SUSD5: variants seen among roughly 807,000 people sequenced by gnomAD.
SUSD5 encodes sushi domain-containing protein 5.
A neutral mutation model predicts 29.5 loss-of-function variants in SUSD5; 33 were observed. The ratio of observed to expected loss-of-function variants is 1.12; its 90% CI spans 0.85 to 1.49. The LOEUF (loss-of-function observed/expected upper bound fraction) is 1.49. Among genes scored for constraint, SUSD5 ranks in the 40% most tolerant of loss-of-function variants. The pLI, the probability that SUSD5 is intolerant of heterozygous loss-of-function variation, is 0.00. For missense variants in SUSD5, 776 were observed against 800.6 expected (o/e 0.97, Z 0.37); for synonymous variants, 308 against 325.3 (o/e 0.95, Z 0.57).
At chr3:33,162,323 C>T (rs2031207452) in intron 4 of SUSD5, among the ~76,000 whole-genome samples, 1 of 152,144 alleles carries the variant, frequency 6.6e-6, no homozygotes, top group Admixed American at 6.5e-5. Flanking sequence ...GAAGTTATAC[C>T]TTTAAATATC....
In SUSD5 at chr3:33,153,257, C is replaced by T; in HGVS notation, c.1375G>A (p.Gly459Ser). The T allele has an allele frequency of 1.2e-6, 2 of 1,613,900 alleles. No individual in the cohort carries two copies. Among genetic ancestry groups the T allele is most frequent in the South Asian group, 1.1e-5 (1 of 91,074 alleles). ...TTCGTCAAGTCACCATCCCCAATGC[C>T]CTCAGTCTCGGAAGCATTCACGGGT... ...LRPVNASETE[G>S]IGDGDLTKYQ... The change falls in exon 5 of 5, where the codon GGC (glycine) becomes AGC (serine). Residue 459 changes from glycine to serine, a missense_variant. Coordinates refer to ENST00000309558, the MANE Select transcript of SUSD5 (RefSeq NM_015551.2).
chr3:33,189,047 A>G (rs1399991276), intron 3 of SUSD5, among the ~76,000 whole-genome samples: 3 of 152,242 alleles, frequency 2.0e-5, no homozygotes, highest in Non-Finnish European at 4.4e-5. Context: ...GAAGCAATAT[A>G]GTATTTGCAA....
chr3:33,188,309 CA>C (rs2031820665), intron 3 of SUSD5, among the ~76,000 whole-genome samples: 1 of 152,148 alleles, frequency 6.6e-6, no homozygotes, highest in African/African-American at 2.4e-5. Flanking sequence ...AATTCTGAAA[CA>C]AATGCCTGAT....
At chr3:33,168,973 G>A (rs928053160) in intron 4 of SUSD5, among the ~76,000 whole-genome samples, 33 of 151,938 alleles carry the variant, frequency 2.2e-4, no homozygotes, top group Admixed American at 1.7e-3. Context: ...TTTAAACCCC[G>A]GCTCTGCTTC....
chr3:33,158,831 C>T (rs1222885862), intron 4 of SUSD5, among the ~76,000 whole-genome samples: 3 of 152,136 alleles, frequency 2.0e-5, no homozygotes, highest in Non-Finnish European at 2.9e-5. Flanking sequence ...TCCACCCACT[C>T]GAAAGCATAG....
chr3:33,207,887 G>A lies in SUSD5; in HGVS notation c.330C>T (p.Ile110=), dbSNP rs375056161. The change falls in exon 3 of 5, where the codon ATC becomes ATT. Residue 110 remains isoleucine, a synonymous_variant. Transcript: ENST00000309558. ...CAATTCTCACATCGACAGCTCTCAT[G>A]ATTTGCTGTTCTCCACTTCCTTTGC... ...VCSKGSGEQQ[I]MRAVDVRIES... is the part of the protein sequence containing the mutation. 8.0e-5 allele frequency: 129 copies of A among 1,613,910 alleles called. No homozygotes were observed. The African/African-American group carries it at 1.5e-3, about 19-fold the overall frequency.
At chr3:33,164,574 A>AC (rs2031265502) in intron 4 of SUSD5, among the ~76,000 whole-genome samples, 7 of 152,198 alleles carry the variant, frequency 4.6e-5, no homozygotes, top group Admixed American at 4.6e-4. Flanking sequence ...GGATACTATG[A>AC]AGAACATGAA....
intron 3 of SUSD5, among the ~76,000 whole-genome samples, chr3:33,188,799 G>A (rs1052525592): frequency 6.6e-6 from 1 of 152,158 alleles, no homozygotes; most frequent in African/African-American, 2.4e-5. Context: ...TATCATGACT[G>A]GGTGTTGATT....
intron 1 of SUSD5, among the ~76,000 whole-genome samples, chr3:33,218,183 T>A (rs4583590): frequency 0.52 from 78,525 of 151,992 alleles, 21,014 homozygotes; most frequent in East Asian, 0.87. Context: ...TGCACGTGCT[T>A]TTCCCTCTGG....
At chr3:33,185,975 C>T (rs1378378209) in intron 3 of SUSD5, among the ~76,000 whole-genome samples, 1 of 152,106 alleles carries the variant, frequency 6.6e-6, no homozygotes, top group Non-Finnish European at 1.5e-5. Context: ...TTCAAATTTC[C>T]TCTTCTAATT....
chr3:33,210,275 A>G (rs1475958858), intron 2 of SUSD5, among the ~76,000 whole-genome samples: 1 of 152,168 alleles, frequency 6.6e-6, no homozygotes, highest in Non-Finnish European at 1.5e-5. Flanking sequence ...TTCTCCTAGG[A>G]GGGCCTGCGA....
At chr3:33,155,532 T>G (rs1320269171) in intron 4 of SUSD5, among the ~76,000 whole-genome samples, 1 of 152,186 alleles carries the variant, frequency 6.6e-6, no homozygotes, top group Non-Finnish European at 1.5e-5. Context: ...GGATGCTCCA[T>G]GACACAGCAA....
chr3:33,158,529 C>T (rs35660594), intron 4 of SUSD5, among the ~76,000 whole-genome samples: 57,753 of 152,016 alleles, frequency 0.38, 12,544 homozygotes, highest in Non-Finnish European at 0.49. Flanking sequence ...GGTGACCCCG[C>T]TCCATCAAAG....
intron 1 of SUSD5, 43 bp downstream of exon 1, chr3:33,218,643 C>T (rs1484695622): frequency 2.4e-6 from 3 of 1,257,848 alleles, no homozygotes; most frequent in Admixed American, 4.2e-5. Context: ...CCTGCCCGGA[C>T]CCCACGCTCC....
chr3:33,190,777 T>C (rs1042721852), intron 3 of SUSD5, among the ~76,000 whole-genome samples: 2 of 152,164 alleles, frequency 1.3e-5, no homozygotes, highest in African/African-American at 4.8e-5. Flanking sequence ...GGAACTCAGT[T>C]GTCATGAATC....
At chr3:33,200,387 C>T (rs2032093106) in intron 3 of SUSD5, among the ~76,000 whole-genome samples, 2 of 152,140 alleles carry the variant, frequency 1.3e-5, no homozygotes, top group Admixed American at 6.5e-5. Context: ...GTAACAAATA[C>T]CTAAAAATAT....
chr3:33,195,137 G>A lies in SUSD5; in HGVS notation c.409+12671C>T, dbSNP rs190730239. On this transcript the variant is annotated intron_variant, in intron 3 of 4. Coordinates refer to ENST00000309558, the MANE Select transcript of SUSD5 (RefSeq NM_015551.2). Reference sequence around the variant, plus strand: ...TTGAACCCAGGAGGCAGAGGTTGCAGTGACCCGAGACTGTGCCACTGCACT... The same window carrying A: ...TTGAACCCAGGAGGCAGAGGTTGCAATGACCCGAGACTGTGCCACTGCACT... Among the ~76,000 whole-genome samples, 465 of 152,344 alleles carry A rather than the reference G, an allele frequency of 3.1e-3. 1 individual carries two copies. Among genetic ancestry groups the A allele is most frequent in the African/African-American group, 0.01 (432 of 41,582 alleles).
Position 33,150,100 on chromosome 3 carries a change from C to T in SUSD5, c.*2642G>A, listed in dbSNP as rs1347442315. ...AGAAGCTTTGTGTTAATAGAACCCCCTCCCCCAATTTTCATGAGCATTAAA... is the reference window on the plus strand; with the variant it reads ...AGAAGCTTTGTGTTAATAGAACCCCTTCCCCCAATTTTCATGAGCATTAAA... On this transcript the variant is annotated 3_prime_UTR_variant, in exon 5 of 5. Coordinates refer to ENST00000309558, the MANE Select transcript of SUSD5 (RefSeq NM_015551.2). 3 of 152,164 alleles carry T rather than the reference C, an allele frequency of 2.0e-5. No individual in the cohort carries two copies. The highest frequency in any genetic ancestry group is 7.2e-5 in the African/African-American group (3 of 41,432). 9.4% of individuals were successfully genotyped at this position (152,164 alleles called of 1,614,324 possible). A position where few individuals can be genotyped will look rare whatever the true frequency, so the allele number is the denominator to read the frequency against.
At chr3:33,166,692 A>C (rs934810516) in intron 4 of SUSD5, among the ~76,000 whole-genome samples, 10 of 152,216 alleles carry the variant, frequency 6.6e-5, no homozygotes, top group Admixed American at 4.6e-4. Context: ...TTTGCTGAAT[A>C]AATAAATAAA....
Sources: allele counts gnomAD v4.1 joint callset (sites outside exome capture counted in the v4.1 genomes callset), GRCh38; gene constraint gnomAD v4.1.1; transcripts MANE v1.5; gene names NCBI Gene and HGNC (gene_info 2026-07-23, HGNC 2026-07-21).